The following ATXN10 variants were observed in gnomAD, a reference collection of about 807,000 sequenced individuals.
ATXN10 encodes the protein ataxin 10, also known as ataxin-10.
Under a neutral mutation model 52.9 loss-of-function variants are expected in ATXN10, and 28 were observed. The observed-to-expected ratio is 0.53, with a 90% CI of 0.39 to 0.73. The LOEUF (loss-of-function observed/expected upper bound fraction) is 0.73. Ranked by LOEUF, ATXN10 falls within the 30% of genes least tolerant of loss-of-function variation. The probability of loss-of-function intolerance (pLI) is 0.00; values close to 1 mark genes in which losing one functional copy is unlikely to be tolerated. For missense variants in ATXN10, 565 were observed against 577.0 expected (o/e 0.98, Z 0.21); for synonymous variants, 226 against 221.5 (o/e 1.02, Z -0.18).
rs568770742 is a variant in ATXN10 at position 45,695,180 on chromosome 22, C to T, written c.391+2102C>T. ...TCTAGTAAAAATACAAAAAATTAGC[C>T]GGGCATGGTGGTGGGCACCTGTAGT... On this transcript the variant is annotated intron_variant, in intron 3 of 11. Coordinates refer to ENST00000252934, the MANE Select transcript of ATXN10 (RefSeq NM_013236.4). 9.9e-5 allele frequency among the ~76,000 whole-genome samples: 15 copies of T among 151,224 alleles called. No individual in the cohort carries two copies. In the East Asian group the frequency reaches 1.8e-3, roughly 18 times the overall value.
At chr22:45,831,802 CT>C (rs1173211541) in intron 10 of ATXN10, among the ~76,000 whole-genome samples, 1 of 152,208 alleles carries the variant, frequency 6.6e-6, no homozygotes, top group Non-Finnish European at 1.5e-5. Flanking sequence ...TTGTCTCCCC[CT>C]CATTGGCGAA....
chr22:45,752,323 A>G (rs1926007329), intron 9 of ATXN10, among the ~76,000 whole-genome samples: 1 of 152,214 alleles, frequency 6.6e-6, no homozygotes, highest in Non-Finnish European at 1.5e-5. Flanking sequence ...TCTCAGTATC[A>G]TAGAATAAGT....
At position 45,807,130 on chromosome 22, in the gene ATXN10, T is replaced by C. The variant is rs748550948; in HGVS notation, c.1237+108T>C. 3.5e-6 allele frequency: 3 copies of C among 864,550 alleles called. No individual in the cohort carries two copies. The Admixed American group carries it at 5.2e-5, about 15-fold the overall frequency. 53.6% of individuals were successfully genotyped at this position (864,550 alleles called of 1,614,324 possible). Reference sequence around the variant, plus strand: ...GTATGTAGCTGGCTGCCTTGCTTGCTTGTTTACTTGTTCCTGAGAACCAAA... The same window carrying C: ...GTATGTAGCTGGCTGCCTTGCTTGCCTGTTTACTTGTTCCTGAGAACCAAA... On this transcript the variant is annotated intron_variant, in intron 10 of 11. Transcript: ENST00000252934.
rs571002559 is a variant in ATXN10 at position 45,823,189 on chromosome 22, G to A, written c.1237+16167G>A. ...CCCTAGGCGGCTTCTTGAGTGTCCC[G>A]TCTCCCTCACTGCCAATCCCCAGAT... On this transcript the variant is annotated intron_variant, in intron 10 of 11. Transcript: ENST00000252934. This position sits in a 1 kb window ranked among gnomAD's most constrained non-coding sequence, Gnocchi z 4.9. 356 of 471,724 alleles carry A rather than the reference G, an allele frequency of 7.5e-4. 1 individual carries two copies. The highest frequency in any genetic ancestry group is 1.3e-3 in the Non-Finnish European group (294 of 227,170). 29.2% of individuals were successfully genotyped at this position (471,724 alleles called of 1,614,324 possible).
intron 5 of ATXN10, among the ~76,000 whole-genome samples, chr22:45,716,634 G>A (rs969527994): frequency 6.6e-5 from 10 of 151,888 alleles, no homozygotes; most frequent in Non-Finnish European, 1.3e-4. Flanking sequence ...TGTGAGCCAC[G>A]GCCTGGAATG....
intron 5 of ATXN10, among the ~76,000 whole-genome samples, chr22:45,711,360 G>C (rs951786018): frequency 1.3e-5 from 2 of 152,128 alleles, no homozygotes; most frequent in African/African-American, 2.4e-5. Context: ...AGTGGTTGTC[G>C]GGGATTGAGG....
Position 45,843,161 on chromosome 22 carries a change from A to C in ATXN10, c.1408A>C (p.Arg470=), listed in dbSNP as rs749121517. The C allele has an allele frequency of 1.2e-6, 2 of 1,613,890 alleles. No homozygotes were observed. The highest frequency in any genetic ancestry group is 2.7e-5 in the African/African-American group (2 of 74,932). ...CGAAAAGCTGATCCTGAAATCTACT[A>C]GAGACACCCCTAAGCCAGTAAGTAC... is the stretch of plus-strand genomic sequence containing the variant. ...KGEKLILKST[R]DTPKP The change falls in exon 11 of 12, where the codon AGA becomes CGA. Residue 470 remains arginine (R), a synonymous_variant. Transcript: ENST00000252934. This position sits in a 1 kb window ranked among gnomAD's most constrained non-coding sequence, Gnocchi z 4.5.
chr22:45,691,723 G>A (rs1923385760), intron 2 of ATXN10, among the ~76,000 whole-genome samples: 1 of 152,198 alleles, frequency 6.6e-6, no homozygotes, highest in South Asian at 2.1e-4. Context: ...GTGAAACCCT[G>A]TCTCTACTAA....
At chr22:45,719,688 A>G (rs577896839) in intron 6 of ATXN10, among the ~76,000 whole-genome samples, 2 of 152,338 alleles carry the variant, frequency 1.3e-5, no homozygotes, top group South Asian at 2.1e-4. Context: ...TTACATAACT[A>G]CATGGTGATG....
intron 5 of ATXN10, among the ~76,000 whole-genome samples, chr22:45,714,480 A>C (rs1924371029): frequency 6.6e-6 from 1 of 152,094 alleles, no homozygotes; most frequent in Non-Finnish European, 1.5e-5. Context: ...TCCCAGGCTC[A>C]AGTAATCTTC....
chr22:45,740,245 A>G, intron 8 of ATXN10, 124 bp from the exon 9 acceptor site: 1 of 904,474 alleles, frequency 1.1e-6, no homozygotes. Flanking sequence ...TTATTTAAAT[A>G]AAGCTTTCTG....
chr22:45,838,685 C>G (rs1929247285), intron 10 of ATXN10, among the ~76,000 whole-genome samples: 3 of 152,344 alleles, frequency 2.0e-5, no homozygotes, highest in Admixed American at 1.3e-4. Flanking sequence ...TTCAGACTGT[C>G]TAGGTCTGCA....
chr22:45,804,481 A>G (rs1218483247), intron 9 of ATXN10, among the ~76,000 whole-genome samples: 2 of 152,200 alleles, frequency 1.3e-5, no homozygotes, highest in East Asian at 3.8e-4. Flanking sequence ...ATAGATTCCT[A>G]GCAAGCCTGT....
chr22:45,686,591 G>A (rs572796720), intron 1 of ATXN10, among the ~76,000 whole-genome samples: 164 of 152,140 alleles, frequency 1.1e-3, no homozygotes, highest in African/African-American at 3.7e-3. Flanking sequence ...AGGCCGAGGC[G>A]GGCAGATCAC....
chr22:45,720,113 A>C (rs1383570693), intron 6 of ATXN10, among the ~76,000 whole-genome samples: 1 of 152,182 alleles, frequency 6.6e-6, no homozygotes, highest in African/African-American at 2.4e-5. Flanking sequence ...CCTCAAGGTT[A>C]TACTCAGCTT....
At chr22:45,722,461 T>C (rs1184146953) in intron 6 of ATXN10, among the ~76,000 whole-genome samples, 1 of 152,222 alleles carries the variant, frequency 6.6e-6, no homozygotes, top group Non-Finnish European at 1.5e-5. Flanking sequence ...CAAACTTAGT[T>C]TGTACTTTTA....
chr22:45,715,540 T>A lies in ATXN10; in HGVS notation c.648-2873T>A, dbSNP rs1924413414. Among the ~76,000 whole-genome samples, 1 of 152,210 alleles carries A rather than the reference T, an allele frequency of 6.6e-6. No individual in the cohort carries two copies. Among genetic ancestry groups the A allele is most frequent in the South Asian group, 2.1e-4 (1 of 4,834 alleles). On this transcript the variant is annotated intron_variant, in intron 5 of 11. Transcript: ENST00000252934. The surrounding 1 kb of genome is among the most constrained non-coding windows in gnomAD (Gnocchi z 4.4). Reference sequence around the variant, plus strand: ...TTGTTTTTGTTATTTGCTGTTGTTGTTGTTGTTAAGCTCATTAGCTATTCT... The same window carrying A: ...TTGTTTTTGTTATTTGCTGTTGTTGATGTTGTTAAGCTCATTAGCTATTCT...
At position 45,703,791 on chromosome 22, in the gene ATXN10, A is replaced by G. The variant is rs540980259; in HGVS notation, c.647+944A>G. Among the ~76,000 whole-genome samples, 16 of 152,300 alleles carry G rather than the reference A, an allele frequency of 1.1e-4. No homozygotes were observed. In the South Asian group the frequency reaches 2.9e-3, roughly 28 times the overall value. Reference sequence around the variant, plus strand: ...CTTCTTGACTGTTTAAAGAGGCATTATATGCTAAGAGGGGCAAGGCAGAAA... The same window carrying G: ...CTTCTTGACTGTTTAAAGAGGCATTGTATGCTAAGAGGGGCAAGGCAGAAA... On this transcript the variant is annotated intron_variant, in intron 5 of 11. Coordinates refer to ENST00000252934, the MANE Select transcript of ATXN10 (RefSeq NM_013236.4).
rs529313094 is a variant in ATXN10 at position 45,825,551 on chromosome 22, GCAAA to G, written c.1238-17437_1238-17434del. Among the ~76,000 whole-genome samples, 580 of 152,166 alleles carry G rather than the reference GCAAA, an allele frequency of 3.8e-3. 4 individuals are homozygous for G. The highest frequency in any genetic ancestry group is 0.014 in the African/African-American group (562 of 41,504). Reference sequence around the variant, plus strand: ...ATAATAATGAACAGTAACAAAAGTAGCAAACACTTTGTCTTAGAATCTGAATTCT... The same window carrying G: ...ATAATAATGAACAGTAACAAAAGTAGCACTTTGTCTTAGAATCTGAATTCT... On this transcript the variant is annotated intron_variant, in intron 10 of 11. Transcript: ENST00000252934. The surrounding 1 kb of genome is among the most constrained non-coding windows in gnomAD (Gnocchi z 4.5).
Sources: allele counts gnomAD v4.1 joint callset (sites outside exome capture counted in the v4.1 genomes callset), GRCh38; gene constraint gnomAD v4.1.1; non-coding constraint Gnocchi (gnomAD v3.1); transcripts MANE v1.5; gene names NCBI Gene and HGNC (gene_info 2026-07-23, HGNC 2026-07-21).